Variants in HK2 observed in about 807,000 individuals in gnomAD.
HK2 encodes hexokinase-2.
A neutral mutation model predicts 92.9 loss-of-function variants in HK2; 42 were observed. The ratio of observed to expected loss-of-function variants is 0.45; its 90% CI spans 0.35 to 0.58. The LOEUF (loss-of-function observed/expected upper bound fraction) is 0.58. Ranked by LOEUF, HK2 falls within the 20% of genes least tolerant of loss-of-function variation. The pLI is 0.00. For synonymous variants in HK2, 422 were observed against 468.0 expected, an observed-to-expected ratio of 0.90 and a Z score of 1.27; for missense variants, 978 against 1,245.1, an observed-to-expected ratio of 0.79 and a Z score of 3.23.
chr2:74,838,922 A>C (rs1260801427), intron 1 of HK2, among the ~76,000 whole-genome samples: 1 of 152,190 alleles, frequency 6.6e-6, no homozygotes, highest in Non-Finnish European at 1.5e-5. Flanking sequence ...TTAACCATAG[A>C]GATAAAATGA....
chr2:74,865,242 G>T (rs1235235275), intron 2 of HK2, among the ~76,000 whole-genome samples: 1 of 152,034 alleles, frequency 6.6e-6, no homozygotes, highest in Non-Finnish European at 1.5e-5. Context: ...AAGCAAGAGA[G>T]GACCTCCTTC....
intron 12 of HK2, among the ~76,000 whole-genome samples, chr2:74,882,618 T>TATATATATATATATATATATATATAG (rs1558804322): frequency 7.2e-6 from 1 of 138,290 alleles, no homozygotes; most frequent in Non-Finnish European, 1.6e-5. Flanking sequence ...TATATATATA[T>TATATATATATATATATATATATATAG]ATAGCATTTT....
intron 2 of HK2, among the ~76,000 whole-genome samples, chr2:74,865,999 T>C (rs947917201): frequency 7.2e-5 from 11 of 152,122 alleles, no homozygotes; most frequent in African/African-American, 2.7e-4. Flanking sequence ...CTCAGGAACT[T>C]GCCTCTGCTA....
intron 14 of HK2, 47 bp from the exon 15 acceptor site, chr2:74,886,443 T>TG: frequency 1.2e-6 from 2 of 1,613,642 alleles, no homozygotes; most frequent in South Asian, 2.2e-5. Flanking sequence ...GCCTTGGGTG[T>TG]GGAGGGGTTG....
chr2:74,889,423 G>A lies in HK2; in HGVS notation c.2554G>A (p.Asp852Asn). 1.2e-6 allele frequency: 2 copies of A among 1,614,044 alleles called. No individual in the cohort carries two copies. The highest frequency in any genetic ancestry group is 1.7e-6 in the Non-Finnish European group (2 of 1,179,966). ...CAGGATACGAGAAAACCGTGGGCTGGACGCTCTCAAAGTGACAGTGGGTGT... is the reference window on the plus strand; with the variant it reads ...CAGGATACGAGAAAACCGTGGGCTGAACGCTCTCAAAGTGACAGTGGGTGT... ...VDRIRENRGL[D>N]ALKVTVGVDG... Residue 852 changes from aspartate to asparagine, a missense_variant, in exon 17 of 18, where the codon GAC becomes AAC. By Grantham distance (23) the Asp-to-Asn change is conservative. Coordinates refer to ENST00000290573, the MANE Select transcript of HK2 (RefSeq NM_000189.5).
chr2:74,882,605 T>TTA (rs141761906), intron 12 of HK2, among the ~76,000 whole-genome samples: 3,281 of 75,690 alleles, frequency 0.043, 706 homozygotes, highest in African/African-American at 0.13. Context: ...TCTATTGAAC[T>TTA]TATATATATA....
At chr2:74,846,638 A>G (rs1688447164) in intron 1 of HK2, among the ~76,000 whole-genome samples, 1 of 152,174 alleles carries the variant, frequency 6.6e-6, no homozygotes, top group Admixed American at 6.5e-5. Context: ...GCTGTATACT[A>G]TCTCTTGCAC....
intron 17 of HK2, 36 bp downstream of exon 17, chr2:74,889,514 C>A (rs370665652): frequency 9.8e-6 from 13 of 1,324,114 alleles, no homozygotes; most frequent in Non-Finnish European, 1.4e-5. Context: ...TGCCTACCTT[C>A]TTTCTGTCTT....
At chr2:74,873,239 G>A (rs945309200) in intron 4 of HK2, 37 bp from the exon 5 acceptor site, 1 of 1,494,676 alleles carries the variant, frequency 6.7e-7, no homozygotes, top group African/African-American at 1.4e-5. Context: ...TTCAGTTTTA[G>A]TGGGAAATCA....
intron 7 of HK2, among the ~76,000 whole-genome samples, chr2:74,876,498 G>A (rs1689235472): frequency 6.6e-6 from 1 of 152,206 alleles, no homozygotes; most frequent in Non-Finnish European, 1.5e-5. Context: ...GGACCGCACT[G>A]CTGGTTTGGG....
chr2:74,846,570 CT>C (rs1316745932), intron 1 of HK2, among the ~76,000 whole-genome samples: 1 of 152,194 alleles, frequency 6.6e-6, no homozygotes, highest in African/African-American at 2.4e-5. Flanking sequence ...CAGTGTTTTA[CT>C]GTATTTTGAG....
intron 7 of HK2, 91 bp from the exon 8 acceptor site, chr2:74,877,075 A>G: frequency 6.6e-7 from 1 of 1,521,768 alleles, no homozygotes; most frequent in Non-Finnish European, 9.1e-7. Flanking sequence ...TTAGTTGTGA[A>G]GTTGCACGTG....
rs149322540 is a variant in HK2 at position 74,885,361 on chromosome 2, G to A, written c.1840-133G>A. On this transcript the variant is annotated intron_variant, in intron 12 of 17. Coordinates refer to ENST00000290573, the MANE Select transcript of HK2 (RefSeq NM_000189.5). ...GTACCTTAGGAACAGTTTAATTTGCGGGTGAGATGATTGGTGACTCTGGGG... is the reference window on the plus strand; with the variant it reads ...GTACCTTAGGAACAGTTTAATTTGCAGGTGAGATGATTGGTGACTCTGGGG... 5.6e-5 allele frequency: 40 copies of A among 715,342 alleles called. 1 individual carries two copies. Among genetic ancestry groups the A allele is most frequent in the East Asian group, 8.0e-5 (3 of 37,268 alleles). The allele number at this position is 715,342 out of a possible 1,614,324, so 44.3% of individuals were successfully genotyped here.
chr2:74,872,489 C>T, intron 4 of HK2, 70 bp downstream of exon 4: 1 of 1,583,388 alleles, frequency 6.3e-7, no homozygotes, highest in Non-Finnish European at 8.7e-7. Flanking sequence ...GACTTCTGAG[C>T]CACCTGCTGT....
intron 10 of HK2, among the ~76,000 whole-genome samples, chr2:74,881,466 G>A (rs1273592510): frequency 6.6e-6 from 1 of 152,230 alleles, no homozygotes; most frequent in African/African-American, 2.4e-5. Flanking sequence ...GGTTGAACGA[G>A]GACTGTGTGT....
At chr2:74,861,198 TG>T (rs1307969064) in intron 2 of HK2, among the ~76,000 whole-genome samples, 1 of 152,058 alleles carries the variant, frequency 6.6e-6, no homozygotes, top group East Asian at 1.9e-4. Flanking sequence ...GAGGCCAAGG[TG>T]GGTGGATCAC....
At chr2:74,869,295 A>C (rs915634301) in intron 3 of HK2, among the ~76,000 whole-genome samples, 4 of 152,228 alleles carry the variant, frequency 2.6e-5, no homozygotes, top group African/African-American at 9.6e-5. Flanking sequence ...ACCTAAAAGC[A>C]GCAGAAAACA....
chr2:74,891,038 C>T lies in HK2; in HGVS notation c.*97C>T. The T allele has an allele frequency of 6.8e-7, 1 of 1,466,334 alleles. No homozygotes were observed. The highest frequency in any genetic ancestry group is 1.2e-5 in the South Asian group (1 of 83,620). 90.8% of individuals were successfully genotyped at this position (1,466,334 alleles called of 1,614,324 possible). ...CTTGTGTCAGAGACAGACCCCTTGG[C>T]TTTTGCTTGGCAGAGAGGACCCCAC... On this transcript the variant is annotated 3_prime_UTR_variant, in exon 18 of 18. Coordinates refer to ENST00000290573, the MANE Select transcript of HK2 (RefSeq NM_000189.5).
At chr2:74,882,791 C>G (rs1689435767) in intron 12 of HK2, among the ~76,000 whole-genome samples, 1 of 151,596 alleles carries the variant, frequency 6.6e-6, no homozygotes, top group Admixed American at 6.6e-5. Context: ...GTCATAATAG[C>G]TTGGGACTGG....
Sources: allele counts gnomAD v4.1 joint callset (sites outside exome capture counted in the v4.1 genomes callset), GRCh38; gene constraint gnomAD v4.1.1; transcripts MANE v1.5; gene names NCBI Gene and HGNC (gene_info 2026-07-23, HGNC 2026-07-21).